The following URM1 variants were observed in gnomAD, a reference collection of about 807,000 sequenced individuals.
The protein encoded by URM1 is ubiquitin related modifier 1.
In URM1, 11 loss-of-function variants were observed where a neutral mutation model predicts 17.7. The ratio of observed to expected loss-of-function variants is 0.62; its 90% CI spans 0.39 to 1.03. URM1 has a LOEUF of 1.03. Among genes scored for constraint, URM1 ranks in the 50% least tolerant of loss-of-function variants. The pLI, the probability that URM1 is intolerant of heterozygous loss-of-function variation, is 0.00. For missense variants in URM1, 128 were observed against 129.2 expected, an observed-to-expected ratio of 0.99 and a Z score of 0.04; for synonymous variants, 48 against 50.6, an observed-to-expected ratio of 0.95 and a Z score of 0.22.
intron 2 of URM1, among the ~76,000 whole-genome samples, chr9:128,384,188 C>T (rs1833197371): frequency 6.6e-6 from 1 of 152,224 alleles, no homozygotes; most frequent in African/African-American, 2.4e-5. Context: ...TGGCTGTAGA[C>T]TCAGAACTCA....
chr9:128,379,494 A>G (rs1833129198), intron 2 of URM1, among the ~76,000 whole-genome samples: 1 of 149,112 alleles, frequency 6.7e-6, no homozygotes, highest in African/African-American at 2.5e-5. Flanking sequence ...AAAGAAAAAG[A>G]AATAAGAAAA....
rs752847603 is a variant in URM1, at chr9:128,371,413, C to T, written c.33C>T (p.Phe11=). 6.2e-7 allele frequency: 1 copy of T among 1,612,892 alleles called. No homozygotes were observed. Among genetic ancestry groups the T allele is most frequent in the South Asian group, 1.1e-5 (1 of 91,036 alleles). ...CGCCCTTGTCAGTGGAGGTGGAGTT[C>T]GGGTGAGTCACAGAGCTGGGGCGCC... MAAPLSVEVE[F]GGGAELLFDG... is the part of the protein sequence containing the mutation. The change falls in exon 1 of 5, where the codon TTC becomes TTT. Residue 11 remains phenylalanine, a splice_region_variant and synonymous_variant. Coordinates refer to ENST00000372853, the MANE Select transcript of URM1 (RefSeq NM_030914.4).
chr9:128,388,263 T>A, intron 3 of URM1: 1 of 1,091,378 alleles, frequency 9.2e-7, no homozygotes, highest in Non-Finnish European at 1.1e-6. Context: ...CTAAATATTC[T>A]GTTTTATTTC....
At chr9:128,388,164 C>A in intron 3 of URM1, 2 of 1,255,300 alleles carry the variant, frequency 1.6e-6, no homozygotes, top group South Asian at 5.4e-5. Context: ...GCTGTGGGAC[C>A]TTAGGCGACT....
intron 2 of URM1, among the ~76,000 whole-genome samples, chr9:128,379,006 A>G (rs542875195): frequency 2.6e-4 from 39 of 151,364 alleles, no homozygotes; most frequent in African/African-American, 9.0e-4. Context: ...AACTGTCAGG[A>G]TAGCCTAGGG....
chr9:128,372,602 G>A (rs1384509981), intron 1 of URM1, among the ~76,000 whole-genome samples: 1 of 152,132 alleles, frequency 6.6e-6, no homozygotes, highest in Non-Finnish European at 1.5e-5. Flanking sequence ...CATTTTAATT[G>A]ATATTGTCTG....
At chr9:128,372,517 A>G (rs1833026559) in intron 1 of URM1, among the ~76,000 whole-genome samples, 1 of 152,214 alleles carries the variant, frequency 6.6e-6, no homozygotes, top group African/African-American at 2.4e-5. Context: ...ACAAAGATAA[A>G]TAGAAGTCTG....
intron 1 of URM1, among the ~76,000 whole-genome samples, chr9:128,374,411 A>G (rs1211877412): frequency 6.7e-6 from 1 of 150,038 alleles, no homozygotes; most frequent in Non-Finnish European, 1.5e-5. Flanking sequence ...CTGACCCCCA[A>G]CTCCTGAGCC....
chr9:128,391,902 C>G lies in URM1; in HGVS notation c.*2168C>G, dbSNP rs999927007. On this transcript the variant is annotated 3_prime_UTR_variant, in exon 5 of 5. Coordinates refer to ENST00000372853, the MANE Select transcript of URM1 (RefSeq NM_030914.4). ...TTTTAGCCCTAGACTGGAAAGGGGTCAGGGGACAGGTGACCTGGGCTCAGC... is the reference window on the plus strand; with the variant it reads ...TTTTAGCCCTAGACTGGAAAGGGGTGAGGGGACAGGTGACCTGGGCTCAGC... The G allele has an allele frequency of 1.3e-5, 2 of 152,280 alleles. No homozygotes were observed. Among genetic ancestry groups the G allele is most frequent in the East Asian group, 3.8e-4 (2 of 5,196 alleles). The allele number at this position is 152,280 out of a possible 1,614,324, so 9.4% of individuals were successfully genotyped here. A position where few individuals can be genotyped will look rare whatever the true frequency, so the allele number is the denominator to read the frequency against.
chr9:128,388,168 G>C, intron 3 of URM1: 3 of 1,254,500 alleles, frequency 2.4e-6, no homozygotes, highest in Non-Finnish European at 3.0e-6. Flanking sequence ...TGGGACCTTA[G>C]GCGACTTACT....
intron 2 of URM1, among the ~76,000 whole-genome samples, chr9:128,378,597 A>G (rs1035183172): frequency 6.6e-6 from 1 of 150,944 alleles, no homozygotes; most frequent in Admixed American, 6.6e-5. Context: ...TTGAACAAAT[A>G]TACACTGAGC....
chr9:128,373,623 G>A (rs1055410690), intron 1 of URM1, among the ~76,000 whole-genome samples: 4 of 152,130 alleles, frequency 2.6e-5, no homozygotes, highest in African/African-American at 9.7e-5. Flanking sequence ...CTCAGGTCAC[G>A]CAGGATTCAA....
chr9:128,371,554 G>A (rs1001641142), intron 1 of URM1, 139 bp downstream of exon 1: 9 of 803,312 alleles, frequency 1.1e-5, no homozygotes, highest in Non-Finnish European at 1.8e-5. Context: ...ACCCGCCTAG[G>A]AGAGTCTGAG....
Position 128,387,722 on chromosome 9 carries a change from C to G in URM1, c.107-94C>G. 6.3e-7 allele frequency: 1 copy of G among 1,586,664 alleles called. No homozygotes were observed. The highest frequency in any genetic ancestry group is 8.6e-7 in the Non-Finnish European group (1 of 1,164,592). ...TGGTCTAAAAGAAGCCCTCTAAACA[C>G]CGTGTGTATTTCCTTGTGGGCCAGG... On this transcript the variant is annotated intron_variant, in intron 2 of 4. Transcript: ENST00000372853. This position sits in a 1 kb window ranked among gnomAD's most constrained non-coding sequence, Gnocchi z 4.3.
At chr9:128,389,183 A>G (rs1833269227) in intron 3 of URM1, 78 bp from the exon 4 acceptor site, 2 of 1,523,354 alleles carry the variant, frequency 1.3e-6, no homozygotes, top group East Asian at 2.3e-5. Context: ...CTGCAGCCCA[A>G]AGCTCTCAGC....
At chr9:128,374,647 T>C (rs1196410523) in intron 1 of URM1, among the ~76,000 whole-genome samples, 1 of 152,226 alleles carries the variant, frequency 6.6e-6, no homozygotes, top group African/African-American at 2.4e-5. Flanking sequence ...CCCATGACAA[T>C]GCTTGCCTTG....
chr9:128,380,291 C>A (rs966612686), intron 2 of URM1, among the ~76,000 whole-genome samples: 1 of 152,092 alleles, frequency 6.6e-6, no homozygotes, highest in Non-Finnish European at 1.5e-5. Flanking sequence ...AGAGCAGTGG[C>A]ACAGGGTGGG....
intron 2 of URM1, among the ~76,000 whole-genome samples, chr9:128,378,461 G>A (rs560475960): frequency 2.2e-5 from 3 of 137,840 alleles, no homozygotes; most frequent in East Asian, 4.4e-4. Flanking sequence ...TGCTTGAACC[G>A]GAACCTGGGA....
chr9:128,380,724 C>T (rs1329758235), intron 2 of URM1, among the ~76,000 whole-genome samples: 1 of 151,860 alleles, frequency 6.6e-6, no homozygotes, highest in Non-Finnish European at 1.5e-5. Context: ...CAACCCCCAC[C>T]TCCTGGGTTC....
Sources: gnomAD v4.1 joint callset for allele counts (sites outside exome capture counted in the v4.1 genomes callset) on GRCh38, gnomAD v4.1.1 for gene constraint, Gnocchi (gnomAD v3.1) non-coding constraint, MANE v1.5 for transcripts, NCBI Gene and HGNC (gene_info 2026-07-23, HGNC 2026-07-21) for gene names.